Variants in CCDC12 observed in about 807,000 individuals in gnomAD.
The protein encoded by CCDC12 is coiled-coil domain containing 12.
In CCDC12, 28 loss-of-function variants were observed where a neutral mutation model predicts 25.7. The observed-to-expected ratio is 1.09, with a 90% CI of 0.81 to 1.50. The LOEUF (loss-of-function observed/expected upper bound fraction) is 1.50, where lower values mean the gene tolerates loss of function less well. Among genes scored for constraint, CCDC12 ranks in the 40% most tolerant of loss-of-function variants. CCDC12 has a pLI of 0.00. For synonymous variants in CCDC12, 75 were observed against 87.7 expected (o/e 0.86, Z 0.81); for missense variants, 198 against 210.0 (o/e 0.94, Z 0.35).
chr3:46,959,605 C>A (rs1244196591), intron 1 of CCDC12, among the ~76,000 whole-genome samples: 1 of 152,136 alleles, frequency 6.6e-6, no homozygotes, highest in East Asian at 1.9e-4. Context: ...GGAGGAAGCC[C>A]CAGCCCTTGC....
intron 2 of CCDC12, among the ~76,000 whole-genome samples, chr3:46,933,345 G>A (rs1036798849): frequency 6.6e-6 from 1 of 152,182 alleles, no homozygotes. Flanking sequence ...CAAGGAGGCC[G>A]GAGAAGCCAG....
intron 2 of CCDC12, among the ~76,000 whole-genome samples, chr3:46,926,869 G>C (rs1185850744): frequency 6.6e-6 from 1 of 152,108 alleles, no homozygotes; most frequent in Non-Finnish European, 1.5e-5. Flanking sequence ...CCCACAGTCT[G>C]CCATCTCCCA....
At chr3:46,925,174 A>G (rs1229657260) in intron 3 of CCDC12, 1 of 617,688 alleles carries the variant, frequency 1.6e-6, no homozygotes, top group Admixed American at 2.1e-5. Flanking sequence ...CTCTGAGAGG[A>G]TGTGGCCTTT....
At chr3:46,979,773 G>A, upstream of CCDC12, 1 of 357,744 alleles carries the variant, frequency 2.8e-6, no homozygotes, top group South Asian at 1.0e-4. Flanking sequence ...GACGCCCTCC[G>A]CCCATGGGCC....
Position 46,951,798 on chromosome 3 carries a change from A to AAAAAAAAAAAAAAATAT in CCDC12, c.97-10734_97-10733insATATTTTTTTTTTTTTT. Among the ~76,000 whole-genome samples the AAAAAAAAAAAAAAATAT allele has an allele frequency of 5.2e-3, 44 of 8,458 alleles. 4 individuals carry two copies. The highest frequency in any genetic ancestry group is 0.019 in the East Asian group (1 of 54). 5.5% of individuals were successfully genotyped at this position (8,458 alleles called of 152,430 possible). A position where few individuals can be genotyped will look rare whatever the true frequency, so the allele number is the denominator to read the frequency against. On this transcript the variant is annotated intron_variant, in intron 1 of 6. Coordinates refer to ENST00000683445, the MANE Select transcript of CCDC12 (RefSeq NM_001277074.2). ...CCGTCTCAAAAAAAAAAAAAAAAAA[A>AAAAAAAAAAAAAAATAT]ATATATATATATATATATATATATA...
upstream of CCDC12, chr3:46,976,923 T>A (rs1435112982): frequency 1.1e-5 from 10 of 897,092 alleles, no homozygotes; most frequent in African/African-American, 1.1e-4. Context: ...GCCCTTATTC[T>A]TCCGGACAAC....
At chr3:46,960,327 T>C (rs1030373785) in intron 1 of CCDC12, among the ~76,000 whole-genome samples, 18 of 151,818 alleles carry the variant, frequency 1.2e-4, no homozygotes, top group African/African-American at 4.1e-4. Flanking sequence ...ACTTCCTACA[T>C]AGATGGAAGC....
intron 1 of CCDC12, chr3:46,976,389 G>A (rs1183667376): frequency 7.2e-7 from 1 of 1,397,678 alleles, no homozygotes; most frequent in Non-Finnish European, 9.3e-7. Flanking sequence ...CAGATGGACT[G>A]CGGGTCGCTG....
chr3:46,961,833 A>C (rs1048204265), intron 1 of CCDC12, among the ~76,000 whole-genome samples: 1 of 152,234 alleles, frequency 6.6e-6, no homozygotes, highest in Non-Finnish European at 1.5e-5. Flanking sequence ...GATCATAAAC[A>C]GTGCATGCCA....
chr3:46,930,166 T>G (rs1421248967), intron 2 of CCDC12, among the ~76,000 whole-genome samples: 1 of 151,982 alleles, frequency 6.6e-6, no homozygotes, highest in Admixed American at 6.5e-5. Context: ...TGAGCCACCA[T>G]GTCCAGCTCT....
At chr3:46,968,676 A>C (rs1292009116) in intron 1 of CCDC12, among the ~76,000 whole-genome samples, 1 of 152,168 alleles carries the variant, frequency 6.6e-6, no homozygotes, top group East Asian at 1.9e-4. Context: ...CCACTCCACC[A>C]CTAGGCCTCC....
chr3:46,973,613 CTTTTTTTT>C (rs758663577), intron 1 of CCDC12, among the ~76,000 whole-genome samples: 1 of 97,954 alleles, frequency 1.0e-5, no homozygotes, highest in Non-Finnish European at 2.1e-5. Context: ...TTCTTCTTTT[CTTTTTTTT>C]TTTTTTTTTT....
chr3:46,966,539 G>GA (rs2034647728), intron 1 of CCDC12, among the ~76,000 whole-genome samples: 1 of 151,854 alleles, frequency 6.6e-6, no homozygotes, highest in Non-Finnish European at 1.5e-5. Flanking sequence ...AAGAAAGAAA[G>GA]AAAGAACGAA....
At chr3:46,981,211 G>A (rs1452731312), upstream of CCDC12, among the ~76,000 whole-genome samples, 4 of 152,160 alleles carry the variant, frequency 2.6e-5, no homozygotes, top group Non-Finnish European at 2.9e-5. Flanking sequence ...TTGGGAGGCC[G>A]AGGCGGGCAG....
chr3:46,925,558 C>A, intron 2 of CCDC12, 23 bp from the exon 3 acceptor site: 1 of 1,525,176 alleles, frequency 6.6e-7, no homozygotes, highest in Non-Finnish European at 8.9e-7. Context: ...AGGGAACAAG[C>A]AGAGATGAAG....
intron 2 of CCDC12, among the ~76,000 whole-genome samples, chr3:46,926,013 C>T (rs1001224674): frequency 6.6e-6 from 1 of 152,260 alleles, no homozygotes; most frequent in Non-Finnish European, 1.5e-5. Context: ...CCACAAATTC[C>T]CCAAGTCTGG....
chr3:46,929,564 G>A (rs528078149), intron 2 of CCDC12, among the ~76,000 whole-genome samples: 26 of 152,326 alleles, frequency 1.7e-4, no homozygotes, highest in African/African-American at 6.0e-4. Context: ...CTGGCATCTG[G>A]AAGCCACCTT....
At chr3:46,926,279 G>A (rs1282621735) in intron 2 of CCDC12, among the ~76,000 whole-genome samples, 2 of 152,216 alleles carry the variant, frequency 1.3e-5, no homozygotes, top group African/African-American at 4.8e-5. Context: ...CAAAGCACAC[G>A]AGAGGCTGAC....
Position 46,976,718 on chromosome 3 carries a change from C to T in CCDC12, c.15G>A (p.Thr5=), listed in dbSNP as rs2035008214. Residue 5 remains threonine, a synonymous_variant, in exon 1 of 7, where the codon ACG becomes ACA. Coordinates refer to ENST00000683445, the MANE Select transcript of CCDC12 (RefSeq NM_001277074.2). ...CTTCCTCTAGCCGGCCCACACCAGC[C>T]GTAGTTGCCTCCATCTTGCCCGCGT... MEAT[T]AGVGRLEEEA... The T allele has an allele frequency of 6.2e-7, 1 of 1,608,954 alleles. No homozygotes were observed. Among genetic ancestry groups the T allele is most frequent in the Non-Finnish European group, 8.5e-7 (1 of 1,177,648 alleles).
Sources: allele counts gnomAD v4.1 joint callset (sites outside exome capture counted in the v4.1 genomes callset), GRCh38; gene constraint gnomAD v4.1.1; transcripts MANE v1.5; gene names NCBI Gene and HGNC (gene_info 2026-07-23, HGNC 2026-07-21).